NKAIN3: variants seen among roughly 807,000 people sequenced by gnomAD.
NKAIN3 encodes the protein sodium/potassium-transporting ATPase subunit beta-1-interacting protein 3.
Under a neutral mutation model 30.2 loss-of-function variants are expected in NKAIN3, and 25 were observed. That is an observed-to-expected ratio of 0.83 (90% CI 0.60 to 1.16). The LOEUF is 1.16. Among genes scored for constraint, NKAIN3 ranks in the 50% most tolerant of loss-of-function variants. The probability of loss-of-function intolerance (pLI) is 0.00; values close to 1 mark genes in which losing one functional copy is unlikely to be tolerated. For synonymous variants in NKAIN3, 91 were observed against 89.6 expected (o/e 1.02, Z -0.09); for missense variants, 225 against 254.1 (o/e 0.89, Z 0.78).
At chr8:62,872,445 G>A (rs1052315850) in intron 4 of NKAIN3, among the ~76,000 whole-genome samples, 1 of 152,166 alleles carries the variant, frequency 6.6e-6, no homozygotes, top group Non-Finnish European at 1.5e-5. Context: ...GGTATGTAAA[G>A]CTCATGCACA....
At chr8:62,319,370 G>C (rs371684856) in intron 1 of NKAIN3, among the ~76,000 whole-genome samples, 13 of 151,952 alleles carry the variant, frequency 8.6e-5, no homozygotes, top group African/African-American at 2.7e-4. Context: ...TTGCCTTCTG[G>C]TAGCTTTTGA....
At chr8:62,455,654 A>AC (rs1805791384) in intron 1 of NKAIN3, among the ~76,000 whole-genome samples, 1 of 152,128 alleles carries the variant, frequency 6.6e-6, no homozygotes, top group Admixed American at 6.5e-5. Context: ...TTGTACTTGT[A>AC]CCCCCTGAAC....
Position 62,970,078 on chromosome 8 carries a change from A to T in NKAIN3, c.*4671A>T, listed in dbSNP as rs1283249467. Among the ~76,000 whole-genome samples, 4 of 152,026 alleles carry T rather than the reference A, an allele frequency of 2.6e-5. No homozygotes were observed. The highest frequency in any genetic ancestry group is 5.9e-5 in the Non-Finnish European group (4 of 68,022). On this transcript the variant is annotated 3_prime_UTR_variant, in exon 7 of 7. Coordinates refer to ENST00000623646, the MANE Select transcript of NKAIN3 (RefSeq NM_001304533.3). ...AAATACCTAAAAAAAAATTTAAATTAGCCAAGCATGGTGGCATGTACCTAT... is the reference window on the plus strand; with the variant it reads ...AAATACCTAAAAAAAAATTTAAATTTGCCAAGCATGGTGGCATGTACCTAT...
chr8:62,866,829 G>A (rs1820431635), intron 4 of NKAIN3, among the ~76,000 whole-genome samples: 1 of 149,738 alleles, frequency 6.7e-6, no homozygotes, highest in Non-Finnish European at 1.5e-5. Flanking sequence ...GGTGGATCAC[G>A]AGGTCAGGAG....
intron 3 of NKAIN3, among the ~76,000 whole-genome samples, chr8:62,737,308 C>G (rs563247084): frequency 6.6e-6 from 1 of 152,230 alleles, no homozygotes; most frequent in South Asian, 2.1e-4. Context: ...GGAGAAGGAC[C>G]CTGGTGAAGC....
intron 1 of NKAIN3, among the ~76,000 whole-genome samples, chr8:62,398,547 T>C (rs1410371872): frequency 6.6e-6 from 1 of 152,202 alleles, no homozygotes; most frequent in Non-Finnish European, 1.5e-5. Flanking sequence ...TGACTGAAAG[T>C]ACATGGTAGT....
intron 1 of NKAIN3, among the ~76,000 whole-genome samples, chr8:62,299,184 T>C (rs562089826): frequency 6.6e-6 from 1 of 152,290 alleles, no homozygotes; most frequent in South Asian, 2.1e-4. Flanking sequence ...TTTGTTGTTC[T>C]ATCATTTTTT....
chr8:62,776,921 C>T (rs1586184390), intron 4 of NKAIN3, among the ~76,000 whole-genome samples: 1 of 152,156 alleles, frequency 6.6e-6, no homozygotes, highest in East Asian at 1.9e-4. Flanking sequence ...CAGCTTTTGT[C>T]TGAGAAAGTC....
At chr8:62,729,417 G>A (rs962230352) in intron 3 of NKAIN3, among the ~76,000 whole-genome samples, 1 of 152,150 alleles carries the variant, frequency 6.6e-6, no homozygotes, top group Non-Finnish European at 1.5e-5. Flanking sequence ...ATTCAATACT[G>A]GGTGTAACGC....
At chr8:62,570,039 G>A in intron 1 of NKAIN3, among the ~76,000 whole-genome samples, 1 of 152,158 alleles carries the variant, frequency 6.6e-6, no homozygotes, top group East Asian at 1.9e-4. Context: ...GCCAATATGT[G>A]TGACCCTGTT....
chr8:62,811,918 C>A (rs1289684831), intron 4 of NKAIN3, among the ~76,000 whole-genome samples: 1 of 151,900 alleles, frequency 6.6e-6, no homozygotes, highest in Non-Finnish European at 1.5e-5. Context: ...CTTTGCCTAG[C>A]TATAGACACC....
chr8:62,659,463 A>G (rs1812871694), intron 3 of NKAIN3, among the ~76,000 whole-genome samples: 1 of 152,220 alleles, frequency 6.6e-6, no homozygotes, highest in Admixed American at 6.5e-5. Flanking sequence ...ATTAAACTTT[A>G]TTTTTAAGGA....
At chr8:62,856,655 C>A (rs1820068145) in intron 4 of NKAIN3, 5 of 771,082 alleles carry the variant, frequency 6.5e-6, no homozygotes, top group Non-Finnish European at 9.5e-6. Context: ...AGATACACAG[C>A]ACTTCACTGA....
In NKAIN3 at chr8:62,833,712, C is replaced by T. The variant is rs1172153193; in HGVS notation, c.472-84741C>T. On this transcript the variant is annotated intron_variant, in intron 4 of 6. Coordinates refer to ENST00000623646, the MANE Select transcript of NKAIN3 (RefSeq NM_001304533.3). ...AAACCTACCAACAAAAAAAAAAGCCCCACATGGATTCACAGCCAAGTCCTG... is the reference window on the plus strand; with the variant it reads ...AAACCTACCAACAAAAAAAAAAGCCTCACATGGATTCACAGCCAAGTCCTG... Among the ~76,000 whole-genome samples, 5 of 151,454 alleles carry T rather than the reference C, an allele frequency of 3.3e-5. No homozygotes were observed. In the East Asian group the frequency reaches 9.7e-4, roughly 29 times the overall value.
At chr8:62,656,407 C>T (rs1022454375) in intron 3 of NKAIN3, among the ~76,000 whole-genome samples, 5 of 151,010 alleles carry the variant, frequency 3.3e-5, no homozygotes, top group African/African-American at 9.7e-5. Flanking sequence ...CAAACCTGCA[C>T]GTTGTGCACA....
intron 3 of NKAIN3, among the ~76,000 whole-genome samples, chr8:62,741,176 A>C (rs530793304): frequency 6.5e-4 from 99 of 152,180 alleles, no homozygotes; most frequent in Non-Finnish European, 1.1e-3. Context: ...TTTTTAGGAG[A>C]CTTTGAGTCT....
chr8:62,990,183 A>C, intron 5 of NKAIN3: 1 of 1,420,486 alleles, frequency 7.0e-7, no homozygotes, highest in East Asian at 2.3e-5. Flanking sequence ...TGTGATCTGC[A>C]AGTATGCAAA....
At chr8:62,502,771 A>T (rs1390072416) in intron 1 of NKAIN3, among the ~76,000 whole-genome samples, 1 of 152,166 alleles carries the variant, frequency 6.6e-6, no homozygotes, top group Non-Finnish European at 1.5e-5. Context: ...ATGGGCACAG[A>T]TGTTCCTCTG....
At chr8:62,633,572 A>G (rs16929319) in intron 3 of NKAIN3, among the ~76,000 whole-genome samples, 16,644 of 152,196 alleles carry the variant, frequency 0.11, 1,115 homozygotes, top group East Asian at 0.32. Context: ...GAGGGGCACC[A>G]CAGATAACAG....
Sources: allele counts gnomAD v4.1 joint callset (sites outside exome capture counted in the v4.1 genomes callset), GRCh38; gene constraint gnomAD v4.1.1; transcripts MANE v1.5; gene names NCBI Gene and HGNC (gene_info 2026-07-23, HGNC 2026-07-21).